GULP1: variants seen among roughly 807,000 people sequenced by gnomAD.
The protein encoded by GULP1 is PTB domain-containing engulfment adapter protein 1.
Under a neutral mutation model 40.9 loss-of-function variants are expected in GULP1, and 19 were observed. The ratio of observed to expected loss-of-function variants is 0.46; its 90% CI spans 0.32 to 0.68. The LOEUF (loss-of-function observed/expected upper bound fraction) is 0.68, where lower values mean the gene tolerates loss of function less well. Ranked by LOEUF, GULP1 falls within the 30% of genes least tolerant of loss-of-function variation. GULP1 has a pLI of 0.03. For synonymous variants in GULP1, 119 were observed against 117.6 expected (o/e 1.01, Z -0.08); for missense variants, 312 against 362.2 (o/e 0.86, Z 1.12).
intron 7 of GULP1, among the ~76,000 whole-genome samples, chr2:188,562,674 CAAT>C (rs1696611717): frequency 6.6e-6 from 1 of 152,032 alleles, no homozygotes; most frequent in African/African-American, 2.4e-5. Context: ...CCCCAAAACC[CAAT>C]ATCATCCACC....
At chr2:188,333,863 A>G (rs1438245715) in intron 1 of GULP1, among the ~76,000 whole-genome samples, 2 of 152,110 alleles carry the variant, frequency 1.3e-5, no homozygotes, top group African/African-American at 2.4e-5. Flanking sequence ...TCATTGTTCT[A>G]TAATAAGCAG....
At chr2:188,435,018 A>G (rs894593435) in intron 2 of GULP1, among the ~76,000 whole-genome samples, 3 of 151,958 alleles carry the variant, frequency 2.0e-5, no homozygotes, top group Non-Finnish European at 4.4e-5. Flanking sequence ...TATCTTTTCT[A>G]TATTTATAAT....
intron 1 of GULP1, among the ~76,000 whole-genome samples, chr2:188,341,624 G>A (rs951903520): frequency 2.0e-5 from 3 of 152,030 alleles, no homozygotes; most frequent in Admixed American, 6.6e-5. Flanking sequence ...ATAAAGGATC[G>A]ATTTTCAGAC....
chr2:188,319,320 A>G (rs2039613588), intron 1 of GULP1, among the ~76,000 whole-genome samples: 1 of 152,098 alleles, frequency 6.6e-6, no homozygotes, highest in Non-Finnish European at 1.5e-5. Context: ...GCCCCCTTAC[A>G]CCCACGTCCC....
chr2:188,516,323 T>C (rs1299969844), intron 4 of GULP1, among the ~76,000 whole-genome samples: 2 of 152,208 alleles, frequency 1.3e-5, no homozygotes, highest in African/African-American at 4.8e-5. Flanking sequence ...TCTTCCATTA[T>C]TGCTGATGTG....
chr2:188,466,037 G>A (rs925453959), intron 2 of GULP1, among the ~76,000 whole-genome samples: 1 of 151,840 alleles, frequency 6.6e-6, no homozygotes, highest in Non-Finnish European at 1.5e-5. Context: ...ACAATTGAGA[G>A]AGCCTTCTAT....
intron 1 of GULP1, among the ~76,000 whole-genome samples, chr2:188,359,562 A>G (rs2045820167): frequency 6.6e-6 from 1 of 152,182 alleles, no homozygotes; most frequent in South Asian, 2.1e-4. Flanking sequence ...GCATTTCATT[A>G]GATTGTGATC....
At chr2:188,494,666 T>A (rs1212161253) in intron 4 of GULP1, among the ~76,000 whole-genome samples, 1 of 152,008 alleles carries the variant, frequency 6.6e-6, no homozygotes, top group Non-Finnish European at 1.5e-5. Context: ...TAAATGAAAA[T>A]CTAGTCATTT....
intron 1 of GULP1, among the ~76,000 whole-genome samples, chr2:188,382,711 C>T (rs1042357429): frequency 1.3e-5 from 2 of 152,134 alleles, no homozygotes; most frequent in African/African-American, 4.8e-5. Context: ...CATGGCGAAA[C>T]CCCCTCTCTA....
Position 188,503,728 on chromosome 2 carries a change from G to A in GULP1, c.91-19028G>A, listed in dbSNP as rs184929597. ...TTTCTTGTAACCATAACTAGACATG[G>A]ACATGACTTCCATGGACTTTGCATG... On this transcript the variant is annotated intron_variant, in intron 4 of 11. Coordinates refer to ENST00000409830, the MANE Select transcript of GULP1 (RefSeq NM_016315.4). 5.9e-5 allele frequency among the ~76,000 whole-genome samples: 9 copies of A among 151,958 alleles called. No homozygotes were observed. The East Asian group carries it at 9.7e-4, about 16-fold the overall frequency.
chr2:188,551,105 C>G (rs940356271), intron 7 of GULP1, among the ~76,000 whole-genome samples: 1 of 151,496 alleles, frequency 6.6e-6, no homozygotes, highest in Non-Finnish European at 1.5e-5. Flanking sequence ...TTAAGACAAA[C>G]TTTCTTTTAT....
chr2:188,509,304 C>G (rs2153192700), intron 4 of GULP1, among the ~76,000 whole-genome samples: 1 of 152,126 alleles, frequency 6.6e-6, no homozygotes, highest in East Asian at 1.9e-4. Context: ...CTTTACGGTT[C>G]CTTGTGTTGA....
intron 1 of GULP1, among the ~76,000 whole-genome samples, chr2:188,356,554 G>C (rs1574676806): frequency 1.3e-5 from 2 of 152,128 alleles, no homozygotes; most frequent in East Asian, 1.9e-4. Flanking sequence ...CACACAAATG[G>C]AAAGATATCC....
At position 188,428,314 on chromosome 2, in the gene GULP1, CT is replaced by C. The variant is rs1017981455; in HGVS notation, c.-45+44426del. On this transcript the variant is annotated intron_variant, in intron 2 of 11. Coordinates refer to ENST00000409830, the MANE Select transcript of GULP1 (RefSeq NM_016315.4). ...CTTAATACTGGAATGAGTTAAGACT[CT>C]AAAGAACTGTTGGGAAGGCGTGATT... Among the ~76,000 whole-genome samples, 30 of 152,062 alleles carry C rather than the reference CT, an allele frequency of 2.0e-4. 1 individual carries two copies. Among genetic ancestry groups the C allele is most frequent in the Non-Finnish European group, 2.6e-4 (18 of 68,010 alleles).
At chr2:188,377,007 A>C (rs1057349133) in intron 1 of GULP1, among the ~76,000 whole-genome samples, 1 of 152,106 alleles carries the variant, frequency 6.6e-6, no homozygotes, top group Admixed American at 6.6e-5. Context: ...GCCCATCTCT[A>C]CTAAAAATAC....
At chr2:188,518,990 T>A (rs921019967) in intron 4 of GULP1, among the ~76,000 whole-genome samples, 1 of 152,156 alleles carries the variant, frequency 6.6e-6, no homozygotes, top group Non-Finnish European at 1.5e-5. Context: ...GTATTTTAGA[T>A]AGGTGTAAGA....
intron 7 of GULP1, among the ~76,000 whole-genome samples, chr2:188,546,296 A>G (rs1691946019): frequency 6.6e-6 from 1 of 151,996 alleles, no homozygotes; most frequent in South Asian, 2.1e-4. Context: ...TTTGAGGAAG[A>G]TGTACCAAAT....
At chr2:188,361,151 TAG>T (rs1447296019) in intron 1 of GULP1, among the ~76,000 whole-genome samples, 8 of 152,226 alleles carry the variant, frequency 5.3e-5, no homozygotes, top group African/African-American at 1.9e-4. Context: ...AATTATTTGA[TAG>T]AGAGTCGCTG....
At chr2:188,326,186 C>G (rs2040734954) in intron 1 of GULP1, among the ~76,000 whole-genome samples, 1 of 151,912 alleles carries the variant, frequency 6.6e-6, no homozygotes, top group African/African-American at 2.4e-5. Flanking sequence ...TTGAGGTTTT[C>G]TATATTTTAC....
Sources: allele counts gnomAD v4.1 joint callset (sites outside exome capture counted in the v4.1 genomes callset), GRCh38; gene constraint gnomAD v4.1.1; transcripts MANE v1.5; gene names NCBI Gene and HGNC (gene_info 2026-07-23, HGNC 2026-07-21).